POLR3E: variants seen among roughly 807,000 people sequenced by gnomAD.
POLR3E encodes the protein RNA polymerase III subunit E.
Under a neutral mutation model 96.6 loss-of-function variants are expected in POLR3E, and 41 were observed. The ratio of observed to expected loss-of-function variants is 0.42; its 90% CI spans 0.33 to 0.55. The LOEUF (loss-of-function observed/expected upper bound fraction) is 0.55. Among genes scored for constraint, POLR3E ranks in the 20% least tolerant of loss-of-function variants. POLR3E has a pLI of 0.06. For synonymous variants in POLR3E, 396 were observed against 383.6 expected (o/e 1.03, Z -0.38); for missense variants, 849 against 952.1 (o/e 0.89, Z 1.43).
At chr16:22,301,090 G>A (rs1348435757) in intron 1 of POLR3E, among the ~76,000 whole-genome samples, 1 of 147,858 alleles carries the variant, frequency 6.8e-6, no homozygotes, top group African/African-American at 2.5e-5. Context: ...GAGAGGGAAG[G>A]TCTTAGCCAC....
Position 22,322,958 on chromosome 16 carries a change from A to C in POLR3E, c.1068+27A>C. 40 of 1,521,328 alleles carry C rather than the reference A, an allele frequency of 2.6e-5. No individual in the cohort carries two copies. The highest frequency in any genetic ancestry group is 3.6e-5 in the Non-Finnish European group (40 of 1,100,672). 94.2% of individuals were successfully genotyped at this position (1,521,328 alleles called of 1,614,324 possible). ...TAAGTACCTTGGGTTCTCTGGACTC[A>C]CGGTGGGGGCGTGGGAAGAGGGGGG... On this transcript the variant is annotated intron_variant, in intron 14 of 20. Coordinates refer to ENST00000299853, the MANE Select transcript of POLR3E (RefSeq NM_018119.4). This position sits in a 1 kb window ranked among gnomAD's most constrained non-coding sequence, Gnocchi z 5.2.
intron 19 of POLR3E, 115 bp from the exon 20 acceptor site, chr16:22,331,945 G>C (rs985979751): frequency 2.9e-6 from 3 of 1,022,728 alleles, no homozygotes; most frequent in Non-Finnish European, 4.4e-6. Context: ...GCTGCGTGAG[G>C]GTTTTTATCA....
intron 16 of POLR3E, 52 bp downstream of exon 16, chr16:22,324,712 A>C (rs1176581189): frequency 6.3e-7 from 1 of 1,580,058 alleles, no homozygotes; most frequent in African/African-American, 1.3e-5. Context: ...GCAACCCTGC[A>C]TCCTGGGGAG....
chr16:22,298,748 A>T lies in POLR3E; in HGVS notation c.-39+1211A>T, dbSNP rs559660654. 5.9e-5 allele frequency among the ~76,000 whole-genome samples: 9 copies of T among 152,344 alleles called. No homozygotes were observed. In the East Asian group the frequency reaches 1.7e-3, roughly 29 times the overall value. On this transcript the variant is annotated intron_variant, in intron 1 of 20. Coordinates refer to ENST00000299853, the MANE Select transcript of POLR3E (RefSeq NM_018119.4). ...CTTATATCTGAACCTCAGTCTCGTC[A>T]TTTCCAAATTGAAGATGATAAATCT...
intron 20 of POLR3E, 108 bp from the exon 21 acceptor site, chr16:22,333,536 A>G (rs2048788307): frequency 1.3e-6 from 1 of 782,982 alleles, no homozygotes; most frequent in Non-Finnish European, 2.2e-6. Flanking sequence ...TTGATTTCCC[A>G]TTTGTATTCT....
Position 22,313,611 on chromosome 16 carries a change from C to T in POLR3E, c.365-9C>T. ...TAGAGTTGAGTCCAAGCCCTTCTTC[C>T]TCCGCCAGGTGAGCTCCACCTGACA... On this transcript the variant is annotated splice_polypyrimidine_tract_variant and intron_variant, in intron 6 of 20. Coordinates refer to ENST00000299853, the MANE Select transcript of POLR3E (RefSeq NM_018119.4). This position sits in a 1 kb window ranked among gnomAD's most constrained non-coding sequence, Gnocchi z 4.1. The T allele has an allele frequency of 1.3e-6, 2 of 1,599,604 alleles. No individual in the cohort carries two copies. The highest frequency in any genetic ancestry group is 1.1e-5 in the South Asian group (1 of 90,776).
At chr16:22,328,979 C>T (rs767906710) in intron 19 of POLR3E, 29 of 207,386 alleles carry the variant, frequency 1.4e-4, no homozygotes, top group Non-Finnish European at 2.5e-4. Context: ...TGCCCATAGT[C>T]GTGGGAGGCT....
At chr16:22,329,686 CAA>C (rs1215875660) in intron 19 of POLR3E, among the ~76,000 whole-genome samples, 3 of 152,130 alleles carry the variant, frequency 2.0e-5, no homozygotes, top group East Asian at 1.9e-4. Context: ...GGCAAAAAAA[CAA>C]AAGTCATAAA....
At chr16:22,332,703 CAT>C (rs543132138) in intron 20 of POLR3E, among the ~76,000 whole-genome samples, 17 of 152,234 alleles carry the variant, frequency 1.1e-4, no homozygotes, top group South Asian at 6.2e-4. Context: ...TAGCCACACA[CAT>C]GACTTTCAGT....
chr16:22,309,299 G>A lies in POLR3E; in HGVS notation c.282-129G>A, dbSNP rs1343566267. 6 of 795,992 alleles carry A rather than the reference G, an allele frequency of 7.5e-6. 1 individual carries two copies. Among genetic ancestry groups the A allele is most frequent in the Admixed American group, 1.7e-5 (1 of 57,410 alleles). 49.3% of individuals were successfully genotyped at this position (795,992 alleles called of 1,614,324 possible). On this transcript the variant is annotated intron_variant, in intron 5 of 20. Coordinates refer to ENST00000299853, the MANE Select transcript of POLR3E (RefSeq NM_018119.4). ...AGGCTGCCCTCCTGAGACCCGCGTA[G>A]GCTGCCCTGCGGCCTTGGTCCCTGG...
rs2048110545 is a variant in POLR3E, at chr16:22,305,222, G to A, written c.87+16G>A. ...TCTATTTCAGGTAATTATGGGACTTGAAGGTAAAGAGGGGAGAAGCAGGTG... is the reference window on the plus strand; with the variant it reads ...TCTATTTCAGGTAATTATGGGACTTAAAGGTAAAGAGGGGAGAAGCAGGTG... On this transcript the variant is annotated intron_variant, in intron 3 of 20. Coordinates refer to ENST00000299853, the MANE Select transcript of POLR3E (RefSeq NM_018119.4). The A allele has an allele frequency of 6.3e-7, 1 of 1,595,590 alleles. No individual in the cohort carries two copies. The highest frequency in any genetic ancestry group is 2.2e-5 in the East Asian group (1 of 44,780).
intron 20 of POLR3E, 31 bp downstream of exon 20, chr16:22,332,216 T>A: frequency 6.2e-7 from 1 of 1,600,486 alleles, no homozygotes; most frequent in African/African-American, 1.3e-5. Context: ...ACAAACAATA[T>A]CAAAGGCTCT....
chr16:22,331,964 A>G, intron 19 of POLR3E, 96 bp from the exon 20 acceptor site: 1 of 1,296,316 alleles, frequency 7.7e-7, no homozygotes, highest in Non-Finnish European at 1.1e-6. Context: ...CAGAGACTGC[A>G]ACACAAAGTC....
chr16:22,327,252 G>C (rs1435166806), intron 18 of POLR3E: 1 of 152,294 alleles, frequency 6.6e-6, no homozygotes, highest in Admixed American at 6.5e-5. Context: ...ATAGAAACTA[G>C]GACAGGAGGC....
Position 22,315,097 on chromosome 16 carries a change from C to A in POLR3E, c.531C>A (p.Phe177Leu). The part of the protein sequence containing the change: ...EDDVKQITVR[F>L]SRPESEQARQ... ...TCCCCTTCCCACCGCAGGTGCGGTT[C>A]TCCCGGCCGGAGTCAGAGCAGGCCC... Residue 177 changes from phenylalanine (F) to leucine (L), a missense_variant, in exon 9 of 21, where the codon TTC becomes TTA. Phe to Leu is a conservative substitution (Grantham distance 22). Coordinates refer to ENST00000299853, the MANE Select transcript of POLR3E (RefSeq NM_018119.4). 6.2e-7 allele frequency: 1 copy of A among 1,613,344 alleles called. No individual in the cohort carries two copies.
chr16:22,324,322 G>GC (rs1567326567), intron 14 of POLR3E, 32 bp from the exon 15 acceptor site: 1 of 1,595,868 alleles, frequency 6.3e-7, no homozygotes, highest in South Asian at 1.1e-5. Context: ...GTCCGTGGCC[G>GC]CCCCTGGAAT....
chr16:22,333,519 G>A, intron 20 of POLR3E, 125 bp from the exon 21 acceptor site: 1 of 691,958 alleles, frequency 1.4e-6, no homozygotes. Flanking sequence ...GTATGGTTAG[G>A]CAGTTTTTGA....
In POLR3E at chr16:22,313,659, T is replaced by C; in HGVS notation, c.404T>C (p.Leu135Pro). The C allele has an allele frequency of 6.2e-7, 1 of 1,613,996 alleles. No homozygotes were observed. The highest frequency in any genetic ancestry group is 8.5e-7 in the Non-Finnish European group (1 of 1,179,918). ...HLTPLHGILQ[L>P]RPSFSYLDKA... is the part of the protein sequence containing the mutation. Reference sequence around the variant, plus strand: ...ACACCTTTACATGGCATCCTGCAGCTGCGGCCCAGCTTCTCCTACCTGGAT... The same window carrying C: ...ACACCTTTACATGGCATCCTGCAGCCGCGGCCCAGCTTCTCCTACCTGGAT... The change falls in exon 7 of 21, where the codon CTG becomes CCG. Residue 135 changes from leucine to proline, a missense_variant. Leu to Pro is a moderately conservative substitution (Grantham distance 98, BLOSUM62 -3). Coordinates refer to ENST00000299853, the MANE Select transcript of POLR3E (RefSeq NM_018119.4). This position sits in a 1 kb window ranked among gnomAD's most constrained non-coding sequence, Gnocchi z 4.1.
At chr16:22,299,629 T>TTCTGGAACTCC (rs1184175637) in intron 1 of POLR3E, among the ~76,000 whole-genome samples, 1 of 151,818 alleles carries the variant, frequency 6.6e-6, no homozygotes, top group Non-Finnish European at 1.5e-5. Context: ...GGCCAGGCTT[T>TTCTGGAACTCC]TCTGGAACTC....
Sources: allele counts gnomAD v4.1 joint callset (sites outside exome capture counted in the v4.1 genomes callset), GRCh38; gene constraint gnomAD v4.1.1; non-coding constraint Gnocchi (gnomAD v3.1); transcripts MANE v1.5; gene names NCBI Gene and HGNC (gene_info 2026-07-23, HGNC 2026-07-21).